The following GCNT2 variants were observed in gnomAD, a reference collection of about 807,000 sequenced individuals.
GCNT2 encodes the protein N-acetyllactosaminide beta-1,6-N-acetylglucosaminyl-transferase.
GCNT2 carries 34 observed loss-of-function variants against 34.2 expected under a neutral mutation model. The ratio of observed to expected loss-of-function variants is 1.00; its 90% CI spans 0.76 to 1.32. GCNT2 has a LOEUF of 1.32. GCNT2 is among the 40% of genes most tolerant of loss of function. The pLI is 0.00. For missense variants in GCNT2, 584 were observed against 489.4 expected (o/e 1.19, Z -1.82); for synonymous variants, 212 against 188.0 (o/e 1.13, Z -1.04).
intron 1 of GCNT2, 72 bp from the exon 2 acceptor site, chr6:10,527,402 G>C (rs1259522363): frequency 6.6e-6 from 1 of 152,348 alleles, no homozygotes; most frequent in Non-Finnish European, 1.5e-5. Flanking sequence ...TCCAGCCTGG[G>C]CAACGAGAGC....
intron 3 of GCNT2, among the ~76,000 whole-genome samples, chr6:10,553,463 A>C (rs1418561323): frequency 1.3e-5 from 2 of 152,230 alleles, no homozygotes; most frequent in Non-Finnish European, 2.9e-5. Flanking sequence ...TGCTGAGCAC[A>C]TGGAGGAGGG....
chr6:10,540,352 C>G (rs1051775719), intron 3 of GCNT2, among the ~76,000 whole-genome samples: 1 of 150,408 alleles, frequency 6.6e-6, no homozygotes, highest in Non-Finnish European at 1.5e-5. Flanking sequence ...TCTTTTTGTT[C>G]TGGAATACTC....
chr6:10,535,689 C>T (rs566874244), intron 3 of GCNT2, among the ~76,000 whole-genome samples: 13 of 152,296 alleles, frequency 8.5e-5, no homozygotes, highest in Admixed American at 3.3e-4. Flanking sequence ...AATATAACTC[C>T]ATGGGAGTTT....
chr6:10,616,870 G>A (rs993268669), intron 3 of GCNT2, among the ~76,000 whole-genome samples: 1 of 152,204 alleles, frequency 6.6e-6, no homozygotes, highest in African/African-American at 2.4e-5. Context: ...TAGACACAGG[G>A]TGCTGATTGG....
chr6:10,567,217 C>G (rs1455705700), intron 3 of GCNT2, among the ~76,000 whole-genome samples: 1 of 152,084 alleles, frequency 6.6e-6, no homozygotes, highest in Non-Finnish European at 1.5e-5. Flanking sequence ...CCCAGCTACT[C>G]AGGAGGCTAA....
intron 3 of GCNT2, among the ~76,000 whole-genome samples, chr6:10,601,956 AAAAAC>A (rs1445485775): frequency 2.3e-4 from 34 of 148,876 alleles, no homozygotes; most frequent in Admixed American, 5.3e-4. Flanking sequence ...AAAAAAAAAA[AAAAAC>A]AAAAAAAACA....
chr6:10,617,373 G>C (rs1765824527), intron 3 of GCNT2, among the ~76,000 whole-genome samples: 1 of 152,184 alleles, frequency 6.6e-6, no homozygotes, highest in South Asian at 2.1e-4. Context: ...GCTGCGCGCA[G>C]CCCTGGTTCC....
intron 3 of GCNT2, among the ~76,000 whole-genome samples, chr6:10,551,747 T>C (rs1319673389): frequency 6.7e-6 from 1 of 148,258 alleles, no homozygotes; most frequent in African/African-American, 2.5e-5. Context: ...CTGGCTATTT[T>C]TTTTTATTTT....
At chr6:10,584,956 G>T (rs487757) in intron 3 of GCNT2, among the ~76,000 whole-genome samples, 1 of 150,996 alleles carries the variant, frequency 6.6e-6, no homozygotes, top group Admixed American at 6.6e-5. Flanking sequence ...TAAAATGTCA[G>T]TCCTAGGTTC....
chr6:10,602,957 G>T (rs1581471209), intron 3 of GCNT2, among the ~76,000 whole-genome samples: 2 of 152,170 alleles, frequency 1.3e-5, no homozygotes, highest in Admixed American at 1.3e-4. Context: ...ACTTTTATTT[G>T]AAAGAGTCAG....
At position 10,596,213 on chromosome 6, in the gene GCNT2, C is replaced by T. The variant is rs1329128218; in HGVS notation, c.926-25138C>T. 2.0e-5 allele frequency among the ~76,000 whole-genome samples: 3 copies of T among 152,226 alleles called. No individual in the cohort carries two copies. In the South Asian group the frequency reaches 6.2e-4, roughly 32 times the overall value. ...CTCTTTAGGCATTCAAAGTAGGAGG[C>T]AGAATGCGGTTTGTTAAGATTTCCA... On this transcript the variant is annotated intron_variant, in intron 3 of 4. Transcript: ENST00000495262.
At chr6:10,535,132 C>G (rs568334736) in intron 3 of GCNT2, among the ~76,000 whole-genome samples, 1 of 152,156 alleles carries the variant, frequency 6.6e-6, no homozygotes, top group Non-Finnish European at 1.5e-5. Flanking sequence ...TGCAATGAGC[C>G]GAGATCGCGC....
chr6:10,606,271 C>A (rs144049498), intron 3 of GCNT2, among the ~76,000 whole-genome samples: 1 of 152,168 alleles, frequency 6.6e-6, no homozygotes, highest in Admixed American at 6.5e-5. Flanking sequence ...GCCAAGATCA[C>A]GCTATTGCAC....
intron 3 of GCNT2, among the ~76,000 whole-genome samples, chr6:10,607,422 A>G (rs765622774): frequency 2.0e-5 from 3 of 152,194 alleles, no homozygotes; most frequent in Non-Finnish European, 4.4e-5. Context: ...CGAGAATTCT[A>G]TCACGAGACA....
At chr6:10,589,017 T>C (rs1352291021) in intron 3 of GCNT2, among the ~76,000 whole-genome samples, 1 of 141,496 alleles carries the variant, frequency 7.1e-6, no homozygotes, top group Non-Finnish European at 1.5e-5. Flanking sequence ...GTGGTGTGTA[T>C]ATGTGGTGTA....
Position 10,528,197 on chromosome 6 carries a change from C to T in GCNT2, c.-281-434C>T, listed in dbSNP as rs147657760. ...AATGGGCATTTTAAAGGACTTTACC[C>T]AGCAGCAGACAAAATTAAGCCCTGG... is the stretch of plus-strand genomic sequence containing the variant. On this transcript the variant is annotated intron_variant, in intron 2 of 4. Coordinates refer to ENST00000495262, the MANE Select transcript of GCNT2 (RefSeq NM_145649.5). Among the ~76,000 whole-genome samples the T allele has an allele frequency of 2.1e-4, 32 of 152,246 alleles. 1 individual carries two copies. The highest frequency in any genetic ancestry group is 7.5e-4 in the African/African-American group (31 of 41,536).
chr6:10,557,421 T>C, intron 3 of GCNT2: 1 of 1,095,542 alleles, frequency 9.1e-7, no homozygotes, highest in Non-Finnish European at 1.4e-6. Flanking sequence ...CACTTTTTAT[T>C]AGGAAGTAGA....
chr6:10,571,375 C>A (rs1173190909), intron 3 of GCNT2, among the ~76,000 whole-genome samples: 1 of 151,966 alleles, frequency 6.6e-6, no homozygotes, highest in East Asian at 1.9e-4. Context: ...GAGACAGAGT[C>A]CCGCTCTTGT....
At chr6:10,589,018 ATG>A (rs1764495699) in intron 3 of GCNT2, among the ~76,000 whole-genome samples, 1 of 67,444 alleles carries the variant, frequency 1.5e-5, no homozygotes, top group South Asian at 5.7e-4. Flanking sequence ...TGGTGTGTAT[ATG>A]TGGTGTATGT....
Sources: allele counts gnomAD v4.1 joint callset (sites outside exome capture counted in the v4.1 genomes callset), GRCh38; gene constraint gnomAD v4.1.1; transcripts MANE v1.5; gene names NCBI Gene and HGNC (gene_info 2026-07-23, HGNC 2026-07-21).